The following NUP85 variants were observed in gnomAD, a reference collection of about 807,000 sequenced individuals.
NUP85 encodes nuclear pore complex protein Nup85.
A neutral mutation model predicts 92.8 loss-of-function variants in NUP85; 23 were observed. The ratio of observed to expected loss-of-function variants is 0.25; its 90% CI spans 0.18 to 0.35. The LOEUF is 0.35. NUP85 is among the 10% of genes least tolerant of loss of function. The pLI is 1.00. For missense variants in NUP85, 759 were observed against 822.8 expected (o/e 0.92, Z 0.95); for synonymous variants, 314 against 306.9 (o/e 1.02, Z -0.24).
chr17:75,231,406 C>G lies in NUP85; in HGVS notation c.1161C>G (p.Leu387=). The G allele has an allele frequency of 1.2e-6, 2 of 1,614,234 alleles. No individual in the cohort carries two copies. The highest frequency in any genetic ancestry group is 1.1e-5 in the South Asian group (1 of 91,080). The change falls in exon 12 of 19, where the codon CTC becomes CTG. Residue 387 remains leucine (L), a synonymous_variant. Coordinates refer to ENST00000245544, the MANE Select transcript of NUP85 (RefSeq NM_024844.5). The surrounding 1 kb of genome is among the most constrained non-coding windows in gnomAD (Gnocchi z 4.6). ...LTDLLDHCKL[L]QSHNLYFGSN... ...ACCTGCTGGACCACTGCAAGCTCCT[C>G]CAGTCACACAACCTCTAGTAAGTGG...
intron 1 of NUP85, chr17:75,208,280 G>GA (rs56256592): frequency 0.19 from 57,457 of 302,690 alleles, 1,504 homozygotes; most frequent in Middle Eastern, 0.27. Flanking sequence ...TACTAAAAAT[G>GA]AAAAAAAAAA....
At chr17:75,227,429 G>A (rs541133070) in intron 11 of NUP85, among the ~76,000 whole-genome samples, 19 of 148,762 alleles carry the variant, frequency 1.3e-4, no homozygotes, top group African/African-American at 4.5e-4. Context: ...TCCACCTACT[G>A]GGTTCCAGCA....
chr17:75,235,740 A>G lies in NUP85; in HGVS notation c.*61A>G. 1 of 1,308,630 alleles carries G rather than the reference A, an allele frequency of 7.6e-7. No homozygotes were observed. The highest frequency in any genetic ancestry group is 1.1e-6 in the Non-Finnish European group (1 of 912,920). The allele number at this position is 1,308,630 out of a possible 1,614,324, so 81.1% of individuals were successfully genotyped here. On this transcript the variant is annotated 3_prime_UTR_variant, in exon 19 of 19. Transcript: ENST00000245544. ...TATATAGATTTTTTTAAAAGAATAA[A>G]TGTTGTTTTGCAAATGTAGGTTCTT...
At chr17:75,220,781 A>G (rs1407626647) in intron 7 of NUP85, among the ~76,000 whole-genome samples, 1 of 145,824 alleles carries the variant, frequency 6.9e-6, no homozygotes, top group African/African-American at 2.5e-5. Context: ...TGTTTTTTGT[A>G]TTTTTAGTAG....
intron 7 of NUP85, among the ~76,000 whole-genome samples, chr17:75,223,044 A>AC (rs71159459): frequency 0.6 from 88,147 of 147,084 alleles, 31,740 homozygotes; most frequent in East Asian, 0.86. Context: ...AAAAAAAAAA[A>AC]AAAAAAAAAA....
intron 6 of NUP85, among the ~76,000 whole-genome samples, chr17:75,217,735 G>A (rs988357766): frequency 6.6e-6 from 1 of 152,156 alleles, no homozygotes; most frequent in Non-Finnish European, 1.5e-5. Context: ...TTGAACTCCT[G>A]AGCTTAGATG....
Position 75,215,238 on chromosome 17 carries a change from A to G in NUP85, c.406-516A>G, listed in dbSNP as rs990457172. ...TTTTTCTTTTTTTAAATTTTGAGACAAGGTCTCGCTCTTGCCCAGGCTGGA... is the reference window on the plus strand; with the variant it reads ...TTTTTCTTTTTTTAAATTTTGAGACGAGGTCTCGCTCTTGCCCAGGCTGGA... On this transcript the variant is annotated intron_variant, in intron 5 of 18. Coordinates refer to ENST00000245544, the MANE Select transcript of NUP85 (RefSeq NM_024844.5). Among the ~76,000 whole-genome samples, 6 of 152,184 alleles carry G rather than the reference A, an allele frequency of 3.9e-5. 1 individual carries two copies. In the East Asian group the frequency reaches 1.2e-3, roughly 29 times the overall value.
At chr17:75,223,080 G>T (rs115906575) in intron 7 of NUP85, among the ~76,000 whole-genome samples, 2 of 149,400 alleles carry the variant, frequency 1.3e-5, no homozygotes, top group South Asian at 2.1e-4. Context: ...ACTATAATTC[G>T]TGTCTGAATG....
intron 7 of NUP85, among the ~76,000 whole-genome samples, chr17:75,222,286 C>G (rs1385265038): frequency 6.6e-6 from 1 of 152,040 alleles, no homozygotes; most frequent in Non-Finnish European, 1.5e-5. Context: ...CCCAAGCAAT[C>G]CACCCTCCTT....
chr17:75,232,870 C>T lies in NUP85; in HGVS notation c.1416C>T (p.Ile472=). ...GCAAAGTTCGCAGCATTTGTAAGAT[C>T]TTAGCCATGAAAGCCGTCCGCAACA... ...MTEQVRSICK[I]LAMKAVRNNR... is the part of the protein sequence containing the mutation. Residue 472 remains isoleucine (I), a synonymous_variant, in exon 15 of 19, where the codon ATC becomes ATT. Transcript: ENST00000245544. 6.2e-7 allele frequency: 1 copy of T among 1,614,214 alleles called. No individual in the cohort carries two copies. Among genetic ancestry groups the T allele is most frequent in the Non-Finnish European group, 8.5e-7 (1 of 1,180,036 alleles).
At chr17:75,208,816 C>T (rs1053700255) in intron 2 of NUP85, among the ~76,000 whole-genome samples, 196 bp downstream of exon 2, 9 of 152,152 alleles carry the variant, frequency 5.9e-5, no homozygotes, top group African/African-American at 2.2e-4. Context: ...GATCATGGCT[C>T]ACTGCAGCCT....
chr17:75,208,722 T>A, intron 2 of NUP85, 102 bp downstream of exon 2: 1 of 744,778 alleles, frequency 1.3e-6, no homozygotes. Flanking sequence ...CAGTTGAATT[T>A]ATTTTGTACT....
intron 7 of NUP85, among the ~76,000 whole-genome samples, chr17:75,222,959 T>C (rs1440001511): frequency 7.1e-6 from 1 of 141,776 alleles, no homozygotes; most frequent in Non-Finnish European, 1.5e-5. Context: ...GGCGTGAACC[T>C]GGGAAGTGGA....
At chr17:75,224,890 C>G (rs1268793536) in intron 7 of NUP85, among the ~76,000 whole-genome samples, 2 of 149,750 alleles carry the variant, frequency 1.3e-5, no homozygotes, top group South Asian at 2.1e-4. Context: ...GTTTGAAAAA[C>G]ATAGTGGAGG....
chr17:75,234,552 T>G, intron 16 of NUP85, 85 bp from the exon 17 acceptor site: 1 of 1,436,740 alleles, frequency 7.0e-7, no homozygotes, highest in Non-Finnish European at 9.7e-7. Flanking sequence ...TCTTCTCCTG[T>G]TTAGGGCCAG....
At position 75,226,110 on chromosome 17, in the gene NUP85, G is replaced by C; in HGVS notation, c.1047G>C (p.Leu349Phe). Residue 349 changes from leucine to phenylalanine, a missense_variant, in exon 11 of 19, where the codon TTG becomes TTC. Transcript: ENST00000245544. ...ESSPEPLDNI[L>F]LAAFEFDIHQ... is the part of the protein sequence containing the mutation. ...GCCCAGAACCCCTGGACAACATCTT[G>C]TTGGCAGCCTTTGAGTTTGACATCC... 3 of 1,614,108 alleles carry C rather than the reference G, an allele frequency of 1.9e-6. No individual in the cohort carries two copies. Among genetic ancestry groups the C allele is most frequent in the Non-Finnish European group, 1.7e-6 (2 of 1,180,018 alleles).
In NUP85 at chr17:75,230,355, G is replaced by GTT. The variant is rs772970563; in HGVS notation, c.1095-980_1095-979dup. Among the ~76,000 whole-genome samples the GTT allele has an allele frequency of 7.7e-3, 89 of 11,510 alleles. 2 individuals carry two copies. The East Asian group carries it at 0.31, about 41-fold the overall frequency. 7.6% of individuals were successfully genotyped at this position (11,510 alleles called of 152,430 possible). A position where few individuals can be genotyped will look rare whatever the true frequency, so the allele number is the denominator to read the frequency against. On this transcript the variant is annotated intron_variant, in intron 11 of 18. Coordinates refer to ENST00000245544, the MANE Select transcript of NUP85 (RefSeq NM_024844.5). The stretch of plus-strand genomic sequence containing the variant: ...TGCACCCGGCCAAGGTGTACAACAT[G>GTT]TTTTTTGTTTTTTTTTTTTTTTGAG...
Position 75,205,679 on chromosome 17 carries a change from G to A in NUP85, c.-83G>A. 6.4e-7 allele frequency: 1 copy of A among 1,562,220 alleles called. No individual in the cohort carries two copies. Among genetic ancestry groups the A allele is most frequent in the Admixed American group, 1.7e-5 (1 of 59,656 alleles). On this transcript the variant is annotated 5_prime_UTR_variant, in exon 1 of 19. Coordinates refer to ENST00000245544, the MANE Select transcript of NUP85 (RefSeq NM_024844.5). Reference sequence around the variant, plus strand: ...GCAGGAGACGCCCAGGCGGAGTCTTGTCTCGCAGCCAGCTCTGAGCGGGAG... The same window carrying A: ...GCAGGAGACGCCCAGGCGGAGTCTTATCTCGCAGCCAGCTCTGAGCGGGAG...
At chr17:75,208,382 T>C (rs999279451) in intron 1 of NUP85, 145 bp from the exon 2 acceptor site, 5 of 644,576 alleles carry the variant, frequency 7.8e-6, no homozygotes, top group South Asian at 1.9e-5. Context: ...GAGGCGGCGA[T>C]TGGAGCAAGC....
Sources: gnomAD v4.1 joint callset for allele counts (sites outside exome capture counted in the v4.1 genomes callset) on GRCh38, gnomAD v4.1.1 for gene constraint, Gnocchi (gnomAD v3.1) non-coding constraint, MANE v1.5 for transcripts, NCBI Gene and HGNC (gene_info 2026-07-23, HGNC 2026-07-21) for gene names.